DST: variants seen among roughly 807,000 people sequenced by gnomAD.
The protein encoded by DST is bullous pemphigoid antigen.
DST carries 253 observed loss-of-function variants against 875.2 expected under a neutral mutation model. The ratio of observed to expected loss-of-function variants is 0.29; its 90% CI spans 0.26 to 0.32. The LOEUF (loss-of-function observed/expected upper bound fraction) is 0.32, where lower values mean the gene tolerates loss of function less well. Ranked by LOEUF, DST falls within the 10% of genes least tolerant of loss-of-function variation. The probability of loss-of-function intolerance (pLI) is 1.00; values close to 1 mark genes in which losing one functional copy is unlikely to be tolerated. For missense variants in DST, 8,287 were observed against 9,111.6 expected, an observed-to-expected ratio of 0.91 and a Z score of 3.68; for synonymous variants, 3,124 against 3,197.1, an observed-to-expected ratio of 0.98 and a Z score of 0.77.
chr6:56,823,489 C>A (rs182555957), intron 4 of DST, among the ~76,000 whole-genome samples: 7 of 152,220 alleles, frequency 4.6e-5, no homozygotes, highest in Non-Finnish European at 8.8e-5. Context: ...CAGCTCACTG[C>A]AATCTCCGCC....
chr6:56,627,492 G>A (rs377448753), intron 33 of DST, among the ~76,000 whole-genome samples: 5 of 152,264 alleles, frequency 3.3e-5, no homozygotes, highest in African/African-American at 1.2e-4. Flanking sequence ...GGTTTTCAAA[G>A]CAGAAATTAC....
intron 15 of DST, 71 bp from the exon 16 acceptor site, chr6:56,642,574 G>C (rs1563408220): frequency 6.2e-7 from 1 of 1,610,706 alleles, no homozygotes; most frequent in Admixed American, 1.7e-5. Flanking sequence ...CCTGAAAAGT[G>C]CTGCCCATCA....
intron 4 of DST, among the ~76,000 whole-genome samples, chr6:56,746,945 C>T (rs2099574306): frequency 6.6e-6 from 1 of 151,956 alleles, no homozygotes; most frequent in South Asian, 2.1e-4. Context: ...GGAGGGAAGG[C>T]AAAGGGGAGA....
intron 69 of DST, among the ~76,000 whole-genome samples, chr6:56,521,478 T>A (rs7774262): frequency 0.66 from 95,364 of 145,024 alleles, 31,210 homozygotes; most frequent in Non-Finnish European, 0.7. Flanking sequence ...TCTTCCCTAT[T>A]TAAAAAAAAA....
At chr6:56,820,787 TTA>T (rs2099772203) in intron 4 of DST, among the ~76,000 whole-genome samples, 2 of 152,320 alleles carry the variant, frequency 1.3e-5, no homozygotes, top group South Asian at 4.2e-4. Flanking sequence ...TCTTTTACTT[TTA>T]GTTTCTTTTT....
At chr6:56,887,239 C>G (rs534413014) in intron 3 of DST, among the ~76,000 whole-genome samples, 34 of 152,198 alleles carry the variant, frequency 2.2e-4, no homozygotes, top group Non-Finnish European at 4.3e-4. Flanking sequence ...CAAGCTTTAA[C>G]ATTCTTTGAT....
intron 36 of DST, chr6:56,615,790 C>T (rs1348871957): frequency 6.2e-7 from 1 of 1,614,172 alleles, no homozygotes; most frequent in African/African-American, 1.3e-5. Context: ...CTGTCAAGTA[C>T]TGAAATTCCA....
intron 36 of DST, among the ~76,000 whole-genome samples, chr6:56,621,795 A>G (rs77639386): frequency 6.6e-6 from 1 of 152,146 alleles, no homozygotes; most frequent in Non-Finnish European, 1.5e-5. Context: ...TTTAAACAGG[A>G]ATACAGAAAT....
intron 2 of DST, chr6:56,945,804 G>A (rs1378167313): frequency 6.6e-6 from 1 of 151,258 alleles, no homozygotes; most frequent in African/African-American, 2.4e-5. Flanking sequence ...GCACAAGGAT[G>A]AAACACTGAA....
intron 61 of DST, among the ~76,000 whole-genome samples, chr6:56,543,008 C>G (rs112462597): frequency 0.04 from 6,156 of 152,298 alleles, 172 homozygotes; most frequent in East Asian, 0.14. Context: ...CAGGCCGAGT[C>G]CGGCCACTGG....
chr6:56,765,981 T>C (rs1443694623), intron 4 of DST, among the ~76,000 whole-genome samples: 5 of 152,220 alleles, frequency 3.3e-5, no homozygotes, highest in Non-Finnish European at 7.3e-5. Context: ...GCAAAGAGAA[T>C]CTGAGCAAAA....
chr6:56,810,712 GA>G (rs1211152515), intron 4 of DST, among the ~76,000 whole-genome samples: 3,023 of 140,130 alleles, frequency 0.022, 81 homozygotes, highest in African/African-American at 0.07. Flanking sequence ...GTCTCACAGG[GA>G]AAAAAAAAAA....
chr6:56,547,486 T>C (rs1426475146), intron 61 of DST, among the ~76,000 whole-genome samples: 1 of 152,210 alleles, frequency 6.6e-6, no homozygotes, highest in African/African-American at 2.4e-5. Context: ...TTTGCTAAGG[T>C]AGCTTCATTA....
intron 4 of DST, among the ~76,000 whole-genome samples, chr6:56,799,976 C>T (rs1417072708): frequency 3.5e-4 from 53 of 152,088 alleles, no homozygotes; most frequent in Admixed American, 6.6e-5. Flanking sequence ...AGACATAATG[C>T]TATTGCACAC....
intron 4 of DST, among the ~76,000 whole-genome samples, chr6:56,758,147 T>C (rs1564029046): frequency 6.6e-6 from 1 of 152,162 alleles, no homozygotes; most frequent in Non-Finnish European, 1.5e-5. Flanking sequence ...AGAAACAAAT[T>C]CTCTAATTAT....
intron 49 of DST, among the ~76,000 whole-genome samples, chr6:56,586,124 G>C (rs1295590150): frequency 6.6e-6 from 1 of 152,150 alleles, no homozygotes; most frequent in Non-Finnish European, 1.5e-5. Flanking sequence ...GCTTGGTGTA[G>C]AGCTGAGTTC....
intron 13 of DST, among the ~76,000 whole-genome samples, chr6:56,647,866 A>C (rs927207605): frequency 6.6e-6 from 1 of 151,778 alleles, no homozygotes; most frequent in African/African-American, 2.4e-5. Flanking sequence ...TTGTATTTTT[A>C]ATAGAGATGG....
chr6:56,592,152 G>A (rs966598126), intron 49 of DST, 30 bp downstream of exon 49: 2 of 1,600,158 alleles, frequency 1.2e-6, no homozygotes, highest in African/African-American at 1.3e-5. Context: ...TAAGACTACT[G>A]GAAATGTGGA....
intron 5 of DST, among the ~76,000 whole-genome samples, chr6:56,723,190 AT>A (rs1354978162): frequency 6.6e-6 from 1 of 152,258 alleles, no homozygotes; most frequent in Non-Finnish European, 1.5e-5. Flanking sequence ...ATTTTAGACA[AT>A]TAAAGAAATA....
Sources: allele counts gnomAD v4.1 joint callset (sites outside exome capture counted in the v4.1 genomes callset), GRCh38; gene constraint gnomAD v4.1.1; transcripts MANE v1.5; gene names NCBI Gene and HGNC (gene_info 2026-07-23, HGNC 2026-07-21).